FRMD6: variants seen among roughly 807,000 people sequenced by gnomAD.
The protein encoded by FRMD6 is FERM domain-containing protein 6.
Under a neutral mutation model 73.2 loss-of-function variants are expected in FRMD6, and 37 were observed. The ratio of observed to expected loss-of-function variants is 0.51; its 90% CI spans 0.39 to 0.66. The LOEUF (loss-of-function observed/expected upper bound fraction) is 0.66. FRMD6 is among the 30% of genes least tolerant of loss of function. The pLI is 0.00. For missense variants in FRMD6, 714 were observed against 780.5 expected, an observed-to-expected ratio of 0.91 and a Z score of 1.02; for synonymous variants, 273 against 282.2, an observed-to-expected ratio of 0.97 and a Z score of 0.33.
chr14:51,692,873 G>C (rs920497642), intron 2 of FRMD6: 1 of 152,110 alleles, frequency 6.6e-6, no homozygotes, highest in Admixed American at 6.6e-5. Flanking sequence ...GAGGCAGGAT[G>C]CAAGCATCTG....
At chr14:51,603,118 C>T (rs960022503) in intron 2 of FRMD6, among the ~76,000 whole-genome samples, 1 of 152,206 alleles carries the variant, frequency 6.6e-6, no homozygotes, top group African/African-American at 2.4e-5. Flanking sequence ...TCTTCCACCA[C>T]ATGTGGATAC....
At chr14:51,430,286 G>A in the FRMD6 span, among the ~76,000 whole-genome samples, 1 of 152,168 alleles carries the variant, frequency 6.6e-6, no homozygotes, top group Non-Finnish European at 1.5e-5. Context: ...AGAGTTCTTT[G>A]TGTGTAAAGT....
chr14:51,637,553 G>C (rs566282090), intron 2 of FRMD6: 2 of 152,338 alleles, frequency 1.3e-5, no homozygotes, highest in Admixed American at 6.6e-5. Flanking sequence ...AGTTGGGGGA[G>C]GGGGTAGGAA....
intron 2 of FRMD6, chr14:51,575,834 T>C (rs1888371677): frequency 6.6e-6 from 1 of 152,210 alleles, no homozygotes; most frequent in Non-Finnish European, 1.5e-5. Flanking sequence ...TGCATCTTTA[T>C]AAACATGAAC....
chr14:51,648,114 C>A (rs113523994), upstream of FRMD6, among the ~76,000 whole-genome samples: 1 of 152,074 alleles, frequency 6.6e-6, no homozygotes, highest in African/African-American at 2.4e-5. Flanking sequence ...CATGAGCCAC[C>A]GCGCCCAGCC....
chr14:51,513,922 C>A (rs1884468780), intron 1 of FRMD6, among the ~76,000 whole-genome samples: 1 of 152,234 alleles, frequency 6.6e-6, no homozygotes, highest in Admixed American at 6.5e-5. Flanking sequence ...GGAGCATTGA[C>A]CAACCATGGG....
At chr14:51,464,816 T>C in the FRMD6 span, among the ~76,000 whole-genome samples, 1 of 152,170 alleles carries the variant, frequency 6.6e-6, no homozygotes, top group South Asian at 2.1e-4. Context: ...CCCAGAATGC[T>C]GCCAGCCAGG....
chr14:51,657,771 T>G (rs1360328367), intron 1 of FRMD6, among the ~76,000 whole-genome samples: 1 of 152,152 alleles, frequency 6.6e-6, no homozygotes, highest in Non-Finnish European at 1.5e-5. Context: ...AAGAAAACTT[T>G]AAAGGTTCCA....
At chr14:51,710,959 A>G (rs748572346) in intron 7 of FRMD6, among the ~76,000 whole-genome samples, 1 of 152,138 alleles carries the variant, frequency 6.6e-6, no homozygotes, top group Non-Finnish European at 1.5e-5. Flanking sequence ...AAAAATAAGT[A>G]TTTCCAAACT....
At chr14:51,615,151 T>C (rs1315581365) in intron 2 of FRMD6, among the ~76,000 whole-genome samples, 3 of 152,214 alleles carry the variant, frequency 2.0e-5, no homozygotes, top group African/African-American at 4.8e-5. Context: ...CTCAGTATAG[T>C]AGTCCAGCCT....
At chr14:51,420,365 C>T in the FRMD6 span, among the ~76,000 whole-genome samples, 5 of 152,122 alleles carry the variant, frequency 3.3e-5, no homozygotes, top group African/African-American at 1.2e-4. Context: ...GAGCAGGCAG[C>T]CAGAAAACTG....
At chr14:51,543,128 A>C (rs973504342) in intron 1 of FRMD6, among the ~76,000 whole-genome samples, 1 of 151,972 alleles carries the variant, frequency 6.6e-6, no homozygotes, top group Admixed American at 6.6e-5. Context: ...TGCTTGCAGA[A>C]AGGCACCCAA....
intron 2 of FRMD6, among the ~76,000 whole-genome samples, chr14:51,605,139 C>CTTTTTTTTTT (rs11389733): frequency 3.3e-5 from 4 of 119,558 alleles, no homozygotes; most frequent in South Asian, 2.8e-4. Flanking sequence ...CTGCAGGTTT[C>CTTTTTTTTTT]TTTTTTTTTT....
At chr14:51,664,379 C>T (rs1893427861) in intron 1 of FRMD6, among the ~76,000 whole-genome samples, 1 of 152,162 alleles carries the variant, frequency 6.6e-6, no homozygotes, top group East Asian at 1.9e-4. Context: ...CTGGGAACTA[C>T]CTTTGAATTT....
chr14:51,720,215 G>T lies in FRMD6; in HGVS notation c.1185G>T (p.Ser395=). Residue 395 remains serine (S), a synonymous_variant, in exon 11 of 14, where the codon TCG becomes TCT. Transcript: ENST00000344768. ...STASHSSSHT[S]GIEADTKPRD... is the part of the protein sequence containing the mutation. The stretch of plus-strand genomic sequence containing the variant: ...CCAGCCACAGCAGTTCCCACACCTC[G>T]GGCATTGAGGCAGACACCAAGCCCC... 6.2e-7 allele frequency: 1 copy of T among 1,613,990 alleles called. No homozygotes were observed. Among genetic ancestry groups the T allele is most frequent in the Non-Finnish European group, 8.5e-7 (1 of 1,179,980 alleles).
chr14:51,667,092 C>T (rs1348181008), intron 1 of FRMD6, among the ~76,000 whole-genome samples: 1 of 152,010 alleles, frequency 6.6e-6, no homozygotes, highest in Non-Finnish European at 1.5e-5. Context: ...TGTGATCATG[C>T]CATTGTACTC....
intron 2 of FRMD6, among the ~76,000 whole-genome samples, chr14:51,629,997 G>A (rs1891277140): frequency 6.6e-6 from 1 of 152,128 alleles, no homozygotes; most frequent in Admixed American, 6.5e-5. Flanking sequence ...GCTTAGGCTG[G>A]TCTCGAACTC....
intron 2 of FRMD6, 48 bp from the exon 3 acceptor site, chr14:51,698,094 T>A (rs765692816): frequency 7.3e-7 from 1 of 1,377,978 alleles, no homozygotes; most frequent in Non-Finnish European, 1.0e-6. Context: ...GCTCCCTGGG[T>A]GGACTTAGTT....
chr14:51,670,150 A>G (rs1594700365), intron 1 of FRMD6, among the ~76,000 whole-genome samples: 2 of 152,314 alleles, frequency 1.3e-5, no homozygotes, highest in South Asian at 4.1e-4. Context: ...ATCATGGCTC[A>G]CTGCAGCCTT....
Sources: gnomAD v4.1 joint callset for allele counts (sites outside exome capture counted in the v4.1 genomes callset) on GRCh38, gnomAD v4.1.1 for gene constraint, MANE v1.5 for transcripts, NCBI Gene and HGNC (gene_info 2026-07-23, HGNC 2026-07-21) for gene names.